The following LRRC8D variants were observed in gnomAD, a reference collection of about 807,000 sequenced individuals.
LRRC8D encodes the protein volume-regulated anion channel subunit LRRC8D.
A neutral mutation model predicts 55.8 loss-of-function variants in LRRC8D; 20 were observed. The ratio of observed to expected loss-of-function variants is 0.36; its 90% CI spans 0.25 to 0.52. LRRC8D has a LOEUF of 0.52. Ranked by LOEUF, LRRC8D falls within the 20% of genes least tolerant of loss-of-function variation. The probability of loss-of-function intolerance (pLI) is 0.93; values close to 1 mark genes in which losing one functional copy is unlikely to be tolerated. For synonymous variants in LRRC8D, 352 were observed against 377.0 expected, an observed-to-expected ratio of 0.93 and a Z score of 0.77; for missense variants, 651 against 1,030.8, an observed-to-expected ratio of 0.63 and a Z score of 5.05.
intron 2 of LRRC8D, among the ~76,000 whole-genome samples, chr1:89,882,073 G>A (rs374076835): frequency 8.5e-5 from 13 of 152,238 alleles, no homozygotes; most frequent in African/African-American, 3.1e-4. Flanking sequence ...TGCCATCAGA[G>A]TTAGGACCAG....
chr1:89,840,887 G>A (rs1399644629), intron 1 of LRRC8D, among the ~76,000 whole-genome samples: 1 of 152,076 alleles, frequency 6.6e-6, no homozygotes, highest in Admixed American at 6.5e-5. Flanking sequence ...TAGATAATGA[G>A]TAACAAAAAT....
chr1:89,834,704 A>C (rs1660965151), intron 1 of LRRC8D, among the ~76,000 whole-genome samples: 1 of 152,224 alleles, frequency 6.6e-6, no homozygotes, highest in African/African-American at 2.4e-5. Context: ...TTTTGACTGG[A>C]AAGATCAGGG....
chr1:89,844,234 A>G (rs952674306), intron 2 of LRRC8D, among the ~76,000 whole-genome samples: 1 of 152,202 alleles, frequency 6.6e-6, no homozygotes, highest in African/African-American at 2.4e-5. Context: ...GGGAAGAGGA[A>G]GAAGATGAGT....
At chr1:89,862,393 T>A (rs1044232369) in intron 2 of LRRC8D, among the ~76,000 whole-genome samples, 3 of 152,178 alleles carry the variant, frequency 2.0e-5, no homozygotes, top group Admixed American at 1.3e-4. Context: ...ACTAAGTTGT[T>A]AATGAAAAAG....
rs142035087 is a variant in LRRC8D at position 89,858,016 on chromosome 1, G to T, written c.-3+14234G>T. ...GGCTGAGGTGGGTGGATCACCTGAGGTCAGGAGTTCGAGACCAGCCTGGCC... is the reference window on the plus strand; with the variant it reads ...GGCTGAGGTGGGTGGATCACCTGAGTTCAGGAGTTCGAGACCAGCCTGGCC... On this transcript the variant is annotated intron_variant, in intron 2 of 2. Transcript: ENST00000337338. 9.0e-3 allele frequency among the ~76,000 whole-genome samples: 1,374 copies of T among 152,282 alleles called. 6 individuals carry two copies. The highest frequency in any genetic ancestry group is 0.014 in the Non-Finnish European group (936 of 68,014).
At chr1:89,883,065 C>A (rs1371013197) in intron 2 of LRRC8D, among the ~76,000 whole-genome samples, 1 of 152,060 alleles carries the variant, frequency 6.6e-6, no homozygotes, top group East Asian at 1.9e-4. Context: ...ATGGTGATGC[C>A]TGCTTGTAGT....
At chr1:89,902,854 C>A (rs1334633205) in intron 2 of LRRC8D, among the ~76,000 whole-genome samples, 1 of 152,178 alleles carries the variant, frequency 6.6e-6, no homozygotes, top group East Asian at 1.9e-4. Flanking sequence ...TGGGTTCAGT[C>A]TGGTTGCCTA....
At chr1:89,884,128 G>A (rs549497290) in intron 2 of LRRC8D, among the ~76,000 whole-genome samples, 6 of 152,290 alleles carry the variant, frequency 3.9e-5, no homozygotes, top group African/African-American at 9.6e-5. Context: ...TGTTTGAACG[G>A]CATCTAGTCA....
chr1:89,892,906 C>T (rs1470439084), intron 2 of LRRC8D, among the ~76,000 whole-genome samples: 3 of 152,188 alleles, frequency 2.0e-5, no homozygotes, highest in Non-Finnish European at 4.4e-5. Flanking sequence ...TTCAATCAGA[C>T]AAAGTTTATT....
intron 2 of LRRC8D, 132 bp downstream of exon 2, chr1:89,843,914 A>G: frequency 4.0e-6 from 2 of 498,470 alleles, no homozygotes; most frequent in South Asian, 5.0e-5. Context: ...CTGGCTTCTC[A>G]CCCGGGGTCT....
chr1:89,861,715 A>G (rs1198341532), intron 2 of LRRC8D, among the ~76,000 whole-genome samples: 3 of 152,252 alleles, frequency 2.0e-5, no homozygotes, highest in African/African-American at 7.2e-5. Context: ...GTACTATAAC[A>G]AGTTCTGCTC....
chr1:89,888,898 T>A (rs1349538231), intron 2 of LRRC8D, among the ~76,000 whole-genome samples: 6 of 152,174 alleles, frequency 3.9e-5, no homozygotes, highest in African/African-American at 1.4e-4. Context: ...AATGATTGAA[T>A]CAATAAATAA....
chr1:89,838,882 A>G (rs961653094), intron 1 of LRRC8D, among the ~76,000 whole-genome samples: 2 of 152,204 alleles, frequency 1.3e-5, no homozygotes, highest in African/African-American at 2.4e-5. Flanking sequence ...TTATATTCCT[A>G]TGGCTTAAAG....
chr1:89,821,101 C>A lies in LRRC8D; in HGVS notation c.-338C>A. 1 of 153,418 alleles carries A rather than the reference C, an allele frequency of 6.5e-6. No individual in the cohort carries two copies. Among genetic ancestry groups the A allele is most frequent in the South Asian group, 1.8e-4 (1 of 5,606 alleles). 9.5% of individuals were successfully genotyped at this position (153,418 alleles called of 1,614,324 possible). On this transcript the variant is annotated 5_prime_UTR_variant, in exon 1 of 3. Coordinates refer to ENST00000337338, the MANE Select transcript of LRRC8D (RefSeq NM_001134479.2). ...CTGCTGCCGCTGCCGCTGCCGCCGCCCGTGGTGCCCCGGCTCCTCCGCCGC... is the reference window on the plus strand; with the variant it reads ...CTGCTGCCGCTGCCGCTGCCGCCGCACGTGGTGCCCCGGCTCCTCCGCCGC...
At chr1:89,867,274 T>C (rs967674114) in intron 2 of LRRC8D, among the ~76,000 whole-genome samples, 1 of 152,240 alleles carries the variant, frequency 6.6e-6, no homozygotes, top group Admixed American at 6.5e-5. Flanking sequence ...TTTCATAAAT[T>C]ATGTAGTCAC....
intron 2 of LRRC8D, among the ~76,000 whole-genome samples, chr1:89,883,221 CGTGTGT>C (rs149154219): frequency 3.3e-4 from 49 of 148,960 alleles, no homozygotes; most frequent in Admixed American, 2.0e-3. Flanking sequence ...CGTGTGTAGG[CGTGTGT>C]GTGTGTGTGT....
rs148883536 is a variant in LRRC8D at position 89,868,677 on chromosome 1, T to C, written c.-3+24895T>C. Among the ~76,000 whole-genome samples the C allele has an allele frequency of 1.9e-4, 29 of 152,334 alleles. No homozygotes were observed. The East Asian group carries it at 3.1e-3, about 16-fold the overall frequency. ...CTCGATGAAGTTGATCCTACTCTTATTCCTGTATTACAGAAAAGGAAATTT... is the reference window on the plus strand; with the variant it reads ...CTCGATGAAGTTGATCCTACTCTTACTCCTGTATTACAGAAAAGGAAATTT... On this transcript the variant is annotated intron_variant, in intron 2 of 2. Coordinates refer to ENST00000337338, the MANE Select transcript of LRRC8D (RefSeq NM_001134479.2).
chr1:89,889,928 C>G (rs1334844068), intron 2 of LRRC8D, among the ~76,000 whole-genome samples: 1 of 152,074 alleles, frequency 6.6e-6, no homozygotes, highest in Non-Finnish European at 1.5e-5. Flanking sequence ...TGGCTCATGC[C>G]TGTAATCCCA....
At chr1:89,891,501 C>T (rs1662579432) in intron 2 of LRRC8D, among the ~76,000 whole-genome samples, 1 of 152,104 alleles carries the variant, frequency 6.6e-6, no homozygotes, top group Non-Finnish European at 1.5e-5. Flanking sequence ...TGCAGATATC[C>T]TGTTTCTCAT....
Sources: allele counts gnomAD v4.1 joint callset (sites outside exome capture counted in the v4.1 genomes callset), GRCh38; gene constraint gnomAD v4.1.1; transcripts MANE v1.5; gene names NCBI Gene and HGNC (gene_info 2026-07-23, HGNC 2026-07-21).